The following CDHR3 variants were observed in gnomAD, a reference collection of about 807,000 sequenced individuals.
The protein encoded by CDHR3 is cadherin-related family member 3.
A neutral mutation model predicts 86.6 loss-of-function variants in CDHR3; 79 were observed. That is an observed-to-expected ratio of 0.91 (90% CI 0.76 to 1.10). The LOEUF is 1.10. CDHR3 is among the 50% of genes least tolerant of loss of function. The probability of loss-of-function intolerance (pLI) is 0.00; values close to 1 mark genes in which losing one functional copy is unlikely to be tolerated. For missense variants in CDHR3, 1,081 were observed against 1,077.6 expected (o/e 1.00, Z -0.04); for synonymous variants, 421 against 402.4 (o/e 1.05, Z -0.55).
rs951824288 is a variant in CDHR3 at position 106,012,914 on chromosome 7, G to A, written c.1107G>A (p.Lys369=). The A allele has an allele frequency of 6.2e-7, 1 of 1,613,714 alleles. No individual in the cohort carries two copies. Among genetic ancestry groups the A allele is most frequent in the Non-Finnish European group, 8.5e-7 (1 of 1,179,778 alleles). Residue 369 remains lysine, a synonymous_variant, in exon 9 of 19, where the codon AAG becomes AAA. Coordinates refer to ENST00000317716, the MANE Select transcript of CDHR3 (RefSeq NM_152750.5). ...GGACGTTGCTTCTTGACCTAAACAAGTTCTGCTTTGATGATGACAGTGAGG... is the reference window on the plus strand; with the variant it reads ...GGACGTTGCTTCTTGACCTAAACAAATTCTGCTTTGATGATGACAGTGAGG... ...AKGTLLLDLN[K]FCFDDDSEAP... is the part of the protein sequence containing the mutation.
chr7:106,009,633 G>C (rs893234561), intron 8 of CDHR3, among the ~76,000 whole-genome samples: 1 of 152,204 alleles, frequency 6.6e-6, no homozygotes, highest in Non-Finnish European at 1.5e-5. Flanking sequence ...CCCGCAGGGA[G>C]GAGGGCGGCG....
At chr7:106,029,560 C>CTG (rs1838018992) in intron 17 of CDHR3, among the ~76,000 whole-genome samples, 2 of 151,872 alleles carry the variant, frequency 1.3e-5, no homozygotes, top group South Asian at 2.1e-4. Flanking sequence ...CTCTCTCTCT[C>CTG]TCTCTCTCTC....
In CDHR3 at chr7:106,018,080, G is replaced by C. The variant is rs187025469; in HGVS notation, c.1653+8G>C. Reference sequence around the variant, plus strand: ...GACACAAGCTCTGTCACTGTGAGTGGTGCTGCTTGGTATAGTGCCGGTAAC... The same window carrying C: ...GACACAAGCTCTGTCACTGTGAGTGCTGCTGCTTGGTATAGTGCCGGTAAC... On this transcript the variant is annotated splice_region_variant and intron_variant, in intron 12 of 18. Transcript: ENST00000317716. 6.2e-7 allele frequency: 1 copy of C among 1,611,036 alleles called. No homozygotes were observed. Among genetic ancestry groups the C allele is most frequent in the African/African-American group, 1.3e-5 (1 of 74,992 alleles).
chr7:105,972,409 A>G (rs2526973), intron 1 of CDHR3, among the ~76,000 whole-genome samples: 41,201 of 151,918 alleles, frequency 0.27, 6,154 homozygotes, highest in East Asian at 0.67. Flanking sequence ...GAGTCACTGG[A>G]GAGGGTTGGA....
chr7:106,005,416 T>C (rs931950720), intron 8 of CDHR3, among the ~76,000 whole-genome samples: 5 of 152,228 alleles, frequency 3.3e-5, no homozygotes, highest in African/African-American at 1.2e-4. Flanking sequence ...TACTTGCCCA[T>C]ATTAGCCTCG....
intron 17 of CDHR3, among the ~76,000 whole-genome samples, chr7:106,028,817 A>G (rs186318072): frequency 5.3e-4 from 80 of 152,326 alleles, no homozygotes; most frequent in African/African-American, 1.6e-3. Flanking sequence ...AATATTGAGT[A>G]GTGGTGTTTA....
At position 105,994,804 on chromosome 7, in the gene CDHR3, C is replaced by G; in HGVS notation, c.567C>G (p.Leu189=). The G allele has an allele frequency of 6.2e-7, 1 of 1,612,592 alleles. No homozygotes were observed. The highest frequency in any genetic ancestry group is 8.5e-7 in the Non-Finnish European group (1 of 1,179,352). ...TCAGAATGTCTGCTAATGGCACCCT[C>G]TTCTCCACAACAGAATTGGACTTTG... ...KSFRMSANGT[L]FSTTELDFEA... Residue 189 remains leucine (L), a synonymous_variant, in exon 5 of 19, where the codon CTC becomes CTG. Coordinates refer to ENST00000317716, the MANE Select transcript of CDHR3 (RefSeq NM_152750.5).
At position 106,028,593 on chromosome 7, in the gene CDHR3, G is replaced by T; in HGVS notation, c.2304+11G>T. 1.2e-6 allele frequency: 2 copies of T among 1,613,860 alleles called. No individual in the cohort carries two copies. The highest frequency in any genetic ancestry group is 1.7e-6 in the Non-Finnish European group (2 of 1,179,818). On this transcript the variant is annotated intron_variant, in intron 17 of 18. Transcript: ENST00000317716. ...AGAGACGTCGTGGTGGTGAGTATGG[G>T]CAGTGTGGGGCACCAGGCATAGACG...
At chr7:106,021,644 T>C (rs560724208) in intron 13 of CDHR3, among the ~76,000 whole-genome samples, 2 of 152,256 alleles carry the variant, frequency 1.3e-5, no homozygotes, top group African/African-American at 4.8e-5. Flanking sequence ...TGGGGTGGGT[T>C]CAGGAGGACC....
chr7:105,979,838 G>A (rs1829372838), intron 2 of CDHR3, among the ~76,000 whole-genome samples: 1 of 152,180 alleles, frequency 6.6e-6, no homozygotes, highest in South Asian at 2.1e-4. Context: ...AGTCCTCAAT[G>A]TCCCCAGGGG....
At chr7:106,003,752 A>G (rs1477539229) in intron 7 of CDHR3, among the ~76,000 whole-genome samples, 1 of 152,126 alleles carries the variant, frequency 6.6e-6, no homozygotes. Flanking sequence ...TTTCGGGCAA[A>G]AGACACCTAT....
chr7:105,986,241 T>G (rs924075558), intron 4 of CDHR3, among the ~76,000 whole-genome samples: 1 of 152,252 alleles, frequency 6.6e-6, no homozygotes, highest in Non-Finnish European at 1.5e-5. Context: ...TGCTTACTGA[T>G]GACCAGGGAT....
At chr7:105,970,861 T>A (rs544554587) in intron 1 of CDHR3, among the ~76,000 whole-genome samples, 314 of 152,276 alleles carry the variant, frequency 2.1e-3, no homozygotes, top group Non-Finnish European at 4.0e-3. Flanking sequence ...GAACCCAGCT[T>A]GGCTATCTTT....
intron 4 of CDHR3, among the ~76,000 whole-genome samples, chr7:105,985,356 A>G (rs1039240812): frequency 2.6e-5 from 4 of 152,174 alleles, no homozygotes; most frequent in African/African-American, 9.7e-5. Flanking sequence ...GAAAAAACAA[A>G]GCGAATCCCA....
In CDHR3 at chr7:105,994,775, A is replaced by C; in HGVS notation, c.538A>C (p.Ser180Arg). The change falls in exon 5 of 19, where the codon AGC becomes CGC. Residue 180 changes from serine (S) to arginine (R), a missense_variant. Physicochemically the swap from Ser to Arg is moderately radical, Grantham distance 110. Coordinates refer to ENST00000317716, the MANE Select transcript of CDHR3 (RefSeq NM_152750.5). ...GTATTTCCTGATTTCTCCCCCAAAG[A>C]GCTTCAGAATGTCTGCTAATGGCAC... Reference protein sequence around the residue: ...LSYFLISPPKSFRMSANGTLF... With the variant: ...LSYFLISPPKRFRMSANGTLF... 6.2e-7 allele frequency: 1 copy of C among 1,612,404 alleles called. No homozygotes were observed. The highest frequency in any genetic ancestry group is 8.5e-7 in the Non-Finnish European group (1 of 1,179,246).
chr7:105,986,667 G>A (rs1333137974), intron 4 of CDHR3, among the ~76,000 whole-genome samples: 1 of 152,062 alleles, frequency 6.6e-6, no homozygotes, highest in South Asian at 2.1e-4. Context: ...ACAAAAAGGG[G>A]TATGACATAA....
intron 4 of CDHR3, among the ~76,000 whole-genome samples, chr7:105,989,001 C>T (rs891962541): frequency 2.6e-5 from 4 of 152,146 alleles, no homozygotes; most frequent in Non-Finnish European, 5.9e-5. Context: ...CTCATAGTCA[C>T]ACGTACGTGA....
intron 9 of CDHR3, among the ~76,000 whole-genome samples, chr7:106,013,285 G>A (rs116431): frequency 0.015 from 2,302 of 152,332 alleles, 25 homozygotes; most frequent in Non-Finnish European, 0.025. Context: ...TGCAGTTTGT[G>A]TGCCTGCTTA....
rs547971736 is a variant in CDHR3, at chr7:106,016,053, A to C, written c.1426+28A>C. ...AAGTAACAGATAAGACACAGACCAG[A>C]GTGCTGTCAATGGACTCCATCCAAA... On this transcript the variant is annotated intron_variant, in intron 11 of 18. Transcript: ENST00000317716. 155 of 1,475,912 alleles carry C rather than the reference A, an allele frequency of 1.1e-4. 1 individual carries two copies. The South Asian group carries it at 1.7e-3, about 16-fold the overall frequency. The allele number at this position is 1,475,912 out of a possible 1,614,324, so 91.4% of individuals were successfully genotyped here. A position where few individuals can be genotyped will look rare whatever the true frequency, so the allele number is the denominator to read the frequency against.
Sources: gnomAD v4.1 joint callset for allele counts (sites outside exome capture counted in the v4.1 genomes callset) on GRCh38, gnomAD v4.1.1 for gene constraint, MANE v1.5 for transcripts, NCBI Gene and HGNC (gene_info 2026-07-23, HGNC 2026-07-21) for gene names.